The following BCL11B variants were observed in gnomAD, a reference collection of about 807,000 sequenced individuals.
BCL11B encodes the protein BCL11 transcription factor B.
In BCL11B, 8 loss-of-function variants were observed where a neutral mutation model predicts 49.9. The ratio of observed to expected loss-of-function variants is 0.16; its 90% confidence interval spans 0.09 to 0.29. The LOEUF (loss-of-function observed/expected upper bound fraction) is 0.29. Ranked by LOEUF, BCL11B falls within the 10% of genes least tolerant of loss-of-function variation. BCL11B has a pLI of 1.00. For synonymous variants in BCL11B, 739 were observed against 637.4 expected, an observed-to-expected ratio of 1.16 and a Z score of -2.40; for missense variants, 1,006 against 1,351.0, an observed-to-expected ratio of 0.74 and a Z score of 4.00.
chr14:99,218,193 G>C (rs963934355), intron 3 of BCL11B, among the ~76,000 whole-genome samples: 11 of 145,416 alleles, frequency 7.6e-5, no homozygotes, highest in Non-Finnish European at 1.0e-4. Context: ...AGCCTCCCAA[G>C]TAGCTGGGAC....
At chr14:99,196,466 C>A (rs139027533) in intron 3 of BCL11B, among the ~76,000 whole-genome samples, 6 of 152,302 alleles carry the variant, frequency 3.9e-5, no homozygotes, top group Non-Finnish European at 8.8e-5. Context: ...GGCCAGCCAG[C>A]CCATCTTTCA....
chr14:99,171,390 ATATAT>A lies in BCL11B; in HGVS notation c.*2756_*2760del. The A allele has an allele frequency of 4.6e-6, 1 of 218,472 alleles. No individual in the cohort carries two copies. The highest frequency in any genetic ancestry group is 9.2e-6 in the Non-Finnish European group (1 of 108,578). 13.5% of individuals were successfully genotyped at this position (218,472 alleles called of 1,614,324 possible). A position where few individuals can be genotyped will look rare whatever the true frequency, so the allele number is the denominator to read the frequency against. On this transcript the variant is annotated 3_prime_UTR_variant, in exon 4 of 4. Transcript: ENST00000357195. ...TATTTTATCCTGCCAAATTAAAAAA[ATATAT>A]TATGGCAGCCTGTTTGTTTTTGTTT... is the stretch of plus-strand genomic sequence containing the variant.
intron 3 of BCL11B, among the ~76,000 whole-genome samples, chr14:99,227,442 C>T (rs929355330): frequency 2.6e-5 from 4 of 152,100 alleles, no homozygotes; most frequent in Admixed American, 2.0e-4. Context: ...ACAGCCTTCA[C>T]CCCCAAGCAG....
intron 3 of BCL11B, among the ~76,000 whole-genome samples, chr14:99,197,597 A>T (rs1412197032): frequency 6.6e-6 from 1 of 151,992 alleles, no homozygotes; most frequent in East Asian, 1.9e-4. Context: ...TGTGGGGAGG[A>T]GGATTCGCCT....
chr14:99,257,711 T>A lies in BCL11B; in HGVS notation c.187A>T (p.Met63Leu). Residue 63 changes from methionine (M) to leucine (L), a missense_variant, in exon 2 of 4, where the codon ATG becomes TTG. Met to Leu is a conservative substitution (Grantham distance 15, BLOSUM62 2). Coordinates refer to ENST00000357195, the MANE Select transcript of BCL11B (RefSeq NM_138576.4). The surrounding 1 kb of genome is among the most constrained non-coding windows in gnomAD (Gnocchi z 6.2). ...PDLLTCGQCQMNFPLGDILVF... is the reference protein window; with the variant it reads ...PDLLTCGQCQLNFPLGDILVF... Reference sequence around the variant, plus strand: ...AGGATGTCCCCCAAGGGGAAGTTCATTTGACACTGGCCACAGGTGAGCAGG... The same window carrying A: ...AGGATGTCCCCCAAGGGGAAGTTCAATTGACACTGGCCACAGGTGAGCAGG... 1 of 1,612,418 alleles carries A rather than the reference T, an allele frequency of 6.2e-7. No homozygotes were observed. Among genetic ancestry groups the A allele is most frequent in the Non-Finnish European group, 8.5e-7 (1 of 1,178,966 alleles).
At chr14:99,186,918 G>A (rs930563952) in intron 3 of BCL11B, among the ~76,000 whole-genome samples, 6 of 152,168 alleles carry the variant, frequency 3.9e-5, no homozygotes, top group Non-Finnish European at 7.3e-5. Flanking sequence ...AAGATCACTA[G>A]CAAGGAAGGT....
intron 1 of BCL11B, among the ~76,000 whole-genome samples, chr14:99,267,548 C>CCA (rs1462695313): frequency 7.2e-6 from 1 of 138,172 alleles, no homozygotes; most frequent in Non-Finnish European, 1.7e-5. Context: ...AACTTCACCC[C>CCA]CCCCCCACCA....
chr14:99,188,795 G>A (rs1443779525), intron 3 of BCL11B, among the ~76,000 whole-genome samples: 1 of 152,252 alleles, frequency 6.6e-6, no homozygotes, highest in East Asian at 1.9e-4. Context: ...GCTTGGGGCG[G>A]GGGGTGGCGC....
chr14:99,249,992 G>A (rs748110383), intron 2 of BCL11B, among the ~76,000 whole-genome samples: 9 of 150,996 alleles, frequency 6.0e-5, no homozygotes, highest in South Asian at 2.1e-4. Flanking sequence ...CCAGGCAGGC[G>A]CCTGTAATCC....
Position 99,175,320 on chromosome 14 carries a change from C to G in BCL11B, c.1516G>C (p.Ala506Pro), listed in dbSNP as rs771992057. ...TCGGCCGCCTTGAGGCCCTCGCCCGCCAGCTCGCTGGTGCCGGGCTCGGGG... is the reference window on the plus strand; with the variant it reads ...TCGGCCGCCTTGAGGCCCTCGCCCGGCAGCTCGCTGGTGCCGGGCTCGGGG... ...SSPEPGTSEL[A>P]GEGLKAADGD... The change falls in exon 4 of 4, where the codon GCG (alanine) becomes CCG (proline). Residue 506 changes from alanine (A) to proline (P), a missense_variant. Physicochemically the swap from Ala to Pro is conservative, Grantham distance 27 (BLOSUM62 -1). Coordinates refer to ENST00000357195, the MANE Select transcript of BCL11B (RefSeq NM_138576.4). The G allele has an allele frequency of 1.9e-6, 3 of 1,546,080 alleles. No individual in the cohort carries two copies. The South Asian group carries it at 3.5e-5, about 18-fold the overall frequency.
At chr14:99,269,674 T>A (rs1348425468) in intron 1 of BCL11B, among the ~76,000 whole-genome samples, 2 of 150,442 alleles carry the variant, frequency 1.3e-5, no homozygotes, top group African/African-American at 4.9e-5. Context: ...ATTTATTTAT[T>A]TAAATTTTTT....
chr14:99,258,877 C>T (rs1057349183), intron 1 of BCL11B, among the ~76,000 whole-genome samples: 4 of 144,696 alleles, frequency 2.8e-5, no homozygotes, highest in Non-Finnish European at 6.0e-5. Flanking sequence ...CTTTAGCAGC[C>T]GATAGATTTC....
rs761352760 is a variant in BCL11B, at chr14:99,175,206, G to GCTCCTCCTC, written c.1621_1629dup (p.Glu541_Glu543dup). 14 of 1,554,490 alleles carry GCTCCTCCTC rather than the reference G, an allele frequency of 9.0e-6. No homozygotes were observed. The highest frequency in any genetic ancestry group is 1.4e-5 in the African/African-American group (1 of 73,320). On this transcript the variant is annotated inframe_insertion, in exon 4 of 4. Coordinates refer to ENST00000357195, the MANE Select transcript of BCL11B (RefSeq NM_138576.4). ...GGCCGGCTCTCGTTCTCCAGTAGCA[G>GCTCCTCCTC]CTCCTCCTCCTCCTCCTCCTCCTCC... is the stretch of plus-strand genomic sequence containing the variant.
At position 99,170,139 on chromosome 14, in the gene BCL11B, C is replaced by T. The variant is rs1013503554; in HGVS notation, c.*4012G>A. 6 of 226,026 alleles carry T rather than the reference C, an allele frequency of 2.7e-5. No individual in the cohort carries two copies. The highest frequency in any genetic ancestry group is 4.4e-5 in the Non-Finnish European group (5 of 113,224). The allele number at this position is 226,026 out of a possible 1,614,324, so 14.0% of individuals were successfully genotyped here. A position where few individuals can be genotyped will look rare whatever the true frequency, so the allele number is the denominator to read the frequency against. On this transcript the variant is annotated 3_prime_UTR_variant, in exon 4 of 4. Coordinates refer to ENST00000357195, the MANE Select transcript of BCL11B (RefSeq NM_138576.4). ...CTAGCTGTTATGACTACAGGAAGAC[C>T]ACCCTGGAGGCACTCTAGGACCTCA...
At chr14:99,201,008 C>T (rs1196647062) in intron 3 of BCL11B, among the ~76,000 whole-genome samples, 2 of 152,184 alleles carry the variant, frequency 1.3e-5, no homozygotes, top group African/African-American at 4.8e-5. Context: ...CCAGACGCAG[C>T]ATGGGAGGAG....
At chr14:99,253,231 C>CCCG (rs990167386) in intron 2 of BCL11B, among the ~76,000 whole-genome samples, 24 of 152,198 alleles carry the variant, frequency 1.6e-4, no homozygotes, top group African/African-American at 5.8e-4. Context: ...CCTGAAACCC[C>CCCG]CCGCCGGCTC....
intron 1 of BCL11B, among the ~76,000 whole-genome samples, chr14:99,270,150 C>T (rs1474418142): frequency 1.3e-5 from 2 of 152,046 alleles, no homozygotes; most frequent in Admixed American, 6.5e-5. Context: ...CTTGTCTTGC[C>T]CCGCTGCCTG....
intron 3 of BCL11B, among the ~76,000 whole-genome samples, chr14:99,204,754 G>A (rs755224161): frequency 2.6e-5 from 4 of 152,202 alleles, no homozygotes; most frequent in Non-Finnish European, 5.9e-5. Context: ...GAGCCCAAGT[G>A]GTAAAAAGAA....
chr14:99,175,929 G>A lies in BCL11B; in HGVS notation c.907C>T (p.Pro303Ser). 1 of 1,447,040 alleles carries A rather than the reference G, an allele frequency of 6.9e-7. No homozygotes were observed. The highest frequency in any genetic ancestry group is 1.5e-5 in the African/African-American group (1 of 67,110). 89.6% of individuals were successfully genotyped at this position (1,447,040 alleles called of 1,614,324 possible). A position where few individuals can be genotyped will look rare whatever the true frequency, so the allele number is the denominator to read the frequency against. The change falls in exon 4 of 4, where the codon CCG (proline) becomes TCG (serine). Residue 303 changes from proline to serine, a missense_variant. This residue lies in a region of BCL11B where 411 missense variants were observed against 542.2 expected (regional missense o/e 0.76). Transcript: ENST00000357195. Reference sequence around the variant, plus strand: ...GGCAGGCGGCCCTCGCCGAAGCCCGGGTGGTCCCGCAGGATGGGGCCCGTC... The same window carrying A: ...GGCAGGCGGCCCTCGCCGAAGCCCGAGTGGTCCCGCAGGATGGGGCCCGTC... Reference protein sequence around the residue: ...RMTGPILRDHPGFGEGRLPGT... With the variant: ...RMTGPILRDHSGFGEGRLPGT...
Sources: allele counts gnomAD v4.1 joint callset (sites outside exome capture counted in the v4.1 genomes callset), GRCh38; gene constraint gnomAD v4.1.1; regional missense constraint gnomAD v4.1.1; non-coding constraint Gnocchi (gnomAD v3.1); transcripts MANE v1.5; gene names NCBI Gene and HGNC (gene_info 2026-07-23, HGNC 2026-07-21).